Variants in CLEC3B observed in about 807,000 individuals in gnomAD.
The protein encoded by CLEC3B is C-type lectin domain family 3 member B, also known as tetranectin.
In CLEC3B, 13 loss-of-function variants were observed where a neutral mutation model predicts 15.4. The observed-to-expected ratio is 0.84, with a 90% CI of 0.55 to 1.34. The LOEUF is 1.34. Ranked by LOEUF, CLEC3B falls within the 40% of genes most tolerant of loss-of-function variation. The pLI, the probability that CLEC3B is intolerant of heterozygous loss-of-function variation, is 0.00. For missense variants in CLEC3B, 242 were observed against 268.6 expected (o/e 0.90, Z 0.69); for synonymous variants, 112 against 114.7 (o/e 0.98, Z 0.15).
At chr3:45,031,122 C>T (rs1697547933) in intron 2 of CLEC3B, among the ~76,000 whole-genome samples, 197 bp downstream of exon 2, 1 of 152,260 alleles carries the variant, frequency 6.6e-6, no homozygotes, top group African/African-American at 2.4e-5. Context: ...GTCTGCAAAA[C>T]TCACCTGGAT....
At position 45,030,077 on chromosome 3, in the gene CLEC3B, G is replaced by A. The variant is rs112489247; in HGVS notation, c.110-750G>A. On this transcript the variant is annotated intron_variant, in intron 1 of 2. Coordinates refer to ENST00000296130, the MANE Select transcript of CLEC3B (RefSeq NM_003278.3). ...AAATGCTGGTGGTACAGAATGACAC[G>A]TTACCTGTGTCATAGGGTTGATTAT... is the stretch of plus-strand genomic sequence containing the variant. 456 of 700,752 alleles carry A rather than the reference G, an allele frequency of 6.5e-4. 6 individuals carry two copies. In the East Asian group the frequency reaches 0.013, roughly 20 times the overall value. The allele number at this position is 700,752 out of a possible 1,614,324, so 43.4% of individuals were successfully genotyped here. A position where few individuals can be genotyped will look rare whatever the true frequency, so the allele number is the denominator to read the frequency against.
At chr3:45,035,111 G>A (rs1452506520) in intron 2 of CLEC3B, among the ~76,000 whole-genome samples, 1 of 152,242 alleles carries the variant, frequency 6.6e-6, no homozygotes, top group Non-Finnish European at 1.5e-5. Flanking sequence ...TGGGGGCGGG[G>A]GGAAGAGGAA....
rs765963360 is a variant in CLEC3B, at chr3:45,030,815, C to T, written c.110-12C>T. 1 of 1,570,304 alleles carries T rather than the reference C, an allele frequency of 6.4e-7. No individual in the cohort carries two copies. The highest frequency in any genetic ancestry group is 8.7e-7 in the Non-Finnish European group (1 of 1,155,604). On this transcript the variant is annotated splice_polypyrimidine_tract_variant and intron_variant, in intron 1 of 2. Coordinates refer to ENST00000296130, the MANE Select transcript of CLEC3B (RefSeq NM_003278.3). ...TCCCTGCCCCACCCTGACATATTTC[C>T]TCCTGCTTCAGATGTTGTGAACACA...
At chr3:45,031,258 G>A (rs899238472) in intron 2 of CLEC3B, among the ~76,000 whole-genome samples, 1 of 152,230 alleles carries the variant, frequency 6.6e-6, no homozygotes, top group Admixed American at 6.5e-5. Flanking sequence ...GCTCGATGGG[G>A]CAGAGGTAGT....
At chr3:45,026,944 A>T (rs1253021514) in intron 1 of CLEC3B, among the ~76,000 whole-genome samples, 1 of 152,244 alleles carries the variant, frequency 6.6e-6, no homozygotes, top group Non-Finnish European at 1.5e-5. Context: ...GCACAGGGAA[A>T]AGAAAAAGAA....
intron 1 of CLEC3B, 22 bp from the exon 2 acceptor site, chr3:45,030,805 G>T: frequency 6.5e-7 from 1 of 1,546,182 alleles, no homozygotes; most frequent in South Asian, 1.2e-5. Context: ...GCCCCACCCT[G>T]ACATATTTCC....
intron 2 of CLEC3B, among the ~76,000 whole-genome samples, chr3:45,033,376 A>G (rs528108438): frequency 6.6e-6 from 1 of 152,262 alleles, no homozygotes; most frequent in South Asian, 2.1e-4. Context: ...TCTCCTGTTC[A>G]TTGTCCTCAC....
intron 1 of CLEC3B, 50 bp from the exon 2 acceptor site, chr3:45,030,777 C>T (rs780398400): frequency 7.7e-6 from 10 of 1,301,206 alleles, no homozygotes; most frequent in Non-Finnish European, 8.7e-6. Context: ...AAGGTAGGAT[C>T]CTTCCTGCTC....
At chr3:45,026,681 C>A (rs1046551210) in intron 1 of CLEC3B, among the ~76,000 whole-genome samples, 2 of 152,120 alleles carry the variant, frequency 1.3e-5, no homozygotes, top group African/African-American at 4.8e-5. Context: ...TTGGGAAGAA[C>A]CTTCCAGATC....
chr3:45,028,375 G>A (rs1174492467), intron 1 of CLEC3B, among the ~76,000 whole-genome samples: 3 of 152,136 alleles, frequency 2.0e-5, no homozygotes, highest in Non-Finnish European at 4.4e-5. Context: ...GGCCAACATG[G>A]TGAAACCCTG....
chr3:45,027,511 T>C (rs1697500410), intron 1 of CLEC3B, among the ~76,000 whole-genome samples: 1 of 152,260 alleles, frequency 6.6e-6, no homozygotes, highest in African/African-American at 2.4e-5. Context: ...AGAATGAGTA[T>C]GATGCTGACA....
chr3:45,031,378 A>C (rs1697551988), intron 2 of CLEC3B, among the ~76,000 whole-genome samples: 1 of 152,172 alleles, frequency 6.6e-6, no homozygotes, highest in Non-Finnish European at 1.5e-5. Context: ...GTCTCTCTTA[A>C]TCGTAACTCT....
intron 2 of CLEC3B, chr3:45,034,605 C>T (rs1415182283): frequency 6.6e-6 from 1 of 152,186 alleles, no homozygotes; most frequent in African/African-American, 2.4e-5. Flanking sequence ...GATATTTCAG[C>T]TAGAAATCAA....
At chr3:45,028,885 G>A (rs1196275453) in intron 1 of CLEC3B, among the ~76,000 whole-genome samples, 1 of 152,234 alleles carries the variant, frequency 6.6e-6, no homozygotes, top group African/African-American at 2.4e-5. Flanking sequence ...CTGGCCCTCA[G>A]GGTGGGTGAG....
In CLEC3B at chr3:45,030,802, C is replaced by A. The variant is rs762357384; in HGVS notation, c.110-25C>A. The A allele has an allele frequency of 1.1e-5, 17 of 1,533,388 alleles. No homozygotes were observed. In the African/African-American group the frequency reaches 2.1e-4, roughly 19 times the overall value. The allele number at this position is 1,533,388 out of a possible 1,614,324, so 95.0% of individuals were successfully genotyped here. On this transcript the variant is annotated intron_variant, in intron 1 of 2. Coordinates refer to ENST00000296130, the MANE Select transcript of CLEC3B (RefSeq NM_003278.3). ...CCTTCCTGCTCAGTCCCTGCCCCAC[C>A]CTGACATATTTCCTCCTGCTTCAGA...
chr3:45,033,466 G>A (rs767148918), intron 2 of CLEC3B, among the ~76,000 whole-genome samples: 1 of 152,116 alleles, frequency 6.6e-6, no homozygotes. Context: ...GAAGGAATCA[G>A]GGGGCAACCT....
rs761483605 is a variant in CLEC3B, at chr3:45,026,484, A to T, written c.109+13A>T. 53 of 1,607,910 alleles carry T rather than the reference A, an allele frequency of 3.3e-5. No individual in the cohort carries two copies. Among genetic ancestry groups the T allele is most frequent in the Non-Finnish European group, 4.2e-5 (49 of 1,174,778 alleles). On this transcript the variant is annotated intron_variant, in intron 1 of 2. Transcript: ENST00000296130. Reference sequence around the variant, plus strand: ...AATGCCAAGAAAGGTAAGGAGGGGGACAGAGCCCTGTGCCATCTTCCAGGG... The same window carrying T: ...AATGCCAAGAAAGGTAAGGAGGGGGTCAGAGCCCTGTGCCATCTTCCAGGG...
intron 2 of CLEC3B, among the ~76,000 whole-genome samples, chr3:45,031,736 C>T (rs1697558731): frequency 6.6e-6 from 1 of 152,202 alleles, no homozygotes; most frequent in Non-Finnish European, 1.5e-5. Flanking sequence ...GTCATATAGT[C>T]TGCATTTTCC....
chr3:45,034,536 A>G (rs985813887), intron 2 of CLEC3B: 2 of 152,262 alleles, frequency 1.3e-5, no homozygotes, highest in African/African-American at 4.8e-5. Flanking sequence ...CTTTCCACAG[A>G]AATCTTTAGT....
Sources: gnomAD v4.1 joint callset for allele counts (sites outside exome capture counted in the v4.1 genomes callset) on GRCh38, gnomAD v4.1.1 for gene constraint, MANE v1.5 for transcripts, NCBI Gene and HGNC (gene_info 2026-07-23, HGNC 2026-07-21) for gene names.